The following STRN variants were observed in gnomAD, a reference collection of about 807,000 sequenced individuals.
STRN encodes the protein protein phosphatase 2 regulatory subunit B'''alpha.
A neutral mutation model predicts 96.3 loss-of-function variants in STRN; 53 were observed. The ratio of observed to expected loss-of-function variants is 0.55; its 90% CI spans 0.44 to 0.69. STRN has a LOEUF of 0.69. STRN is among the 30% of genes least tolerant of loss of function. The pLI is 0.00. For missense variants in STRN, 987 were observed against 963.9 expected, an observed-to-expected ratio of 1.02 and a Z score of -0.32; for synonymous variants, 428 against 355.9, an observed-to-expected ratio of 1.20 and a Z score of -2.28.
intron 1 of STRN, among the ~76,000 whole-genome samples, chr2:36,939,117 C>CTGGAATTACAGGCACG (rs1191117044): frequency 6.6e-6 from 1 of 152,022 alleles, no homozygotes; most frequent in Non-Finnish European, 1.5e-5. Flanking sequence ...TCCCGAGTAG[C>CTGGAATTACAGGCACG]TGGAATTACA....
chr2:36,934,782 A>T (rs1670660244), intron 1 of STRN, among the ~76,000 whole-genome samples: 1 of 152,128 alleles, frequency 6.6e-6, no homozygotes, highest in South Asian at 2.1e-4. Context: ...GTTCCAATCA[A>T]AGTAGTCAAT....
chr2:36,951,781 G>A (rs1357658188), intron 1 of STRN, among the ~76,000 whole-genome samples: 1 of 152,212 alleles, frequency 6.6e-6, no homozygotes, highest in Non-Finnish European at 1.5e-5. Context: ...CCAAGTATGA[G>A]ATAGGACGGG....
intron 10 of STRN, among the ~76,000 whole-genome samples, chr2:36,871,567 G>A (rs1402420682): frequency 6.6e-6 from 1 of 152,114 alleles, no homozygotes; most frequent in African/African-American, 2.4e-5. Flanking sequence ...ATGTATGACT[G>A]TACTGGTTAA....
At chr2:36,928,153 C>T (rs540217810) in intron 1 of STRN, among the ~76,000 whole-genome samples, 1 of 152,182 alleles carries the variant, frequency 6.6e-6, no homozygotes, top group East Asian at 1.9e-4. Flanking sequence ...CGAATTCCTT[C>T]TGTAAAACGA....
rs560639424 is a variant in STRN, at chr2:36,899,704, C to T, written c.660-46G>A. 25 of 1,503,714 alleles carry T rather than the reference C, an allele frequency of 1.7e-5. No individual in the cohort carries two copies. The African/African-American group carries it at 2.1e-4, about 13-fold the overall frequency. 93.1% of individuals were successfully genotyped at this position (1,503,714 alleles called of 1,614,324 possible). A position where few individuals can be genotyped will look rare whatever the true frequency, so the allele number is the denominator to read the frequency against. ...CCTGCTTAGTTAATCTTTTTAACTT[C>T]GACATAAGAAGTAACCCATGATATG... On this transcript the variant is annotated intron_variant, in intron 5 of 17. Transcript: ENST00000263918.
chr2:36,882,278 A>T (rs879893229), intron 9 of STRN, among the ~76,000 whole-genome samples: 8 of 152,228 alleles, frequency 5.3e-5, no homozygotes, highest in Admixed American at 4.6e-4. Flanking sequence ...GACAATGCAA[A>T]TATAGTATTT....
chr2:36,953,895 C>T (rs1036832869), intron 1 of STRN, among the ~76,000 whole-genome samples: 11 of 152,134 alleles, frequency 7.2e-5, no homozygotes, highest in Admixed American at 4.6e-4. Flanking sequence ...ACTCTGGAGG[C>T]TGATGCAGGA....
intron 3 of STRN, among the ~76,000 whole-genome samples, chr2:36,906,896 C>A (rs568110613): frequency 8.3e-4 from 125 of 151,118 alleles, no homozygotes; most frequent in Non-Finnish European, 1.6e-3. Context: ...TGCACTCCAG[C>A]GTGGGCGACA....
At chr2:36,952,296 C>A (rs1208633328) in intron 1 of STRN, among the ~76,000 whole-genome samples, 2 of 152,114 alleles carry the variant, frequency 1.3e-5, no homozygotes, top group African/African-American at 2.4e-5. Flanking sequence ...CTTTGTAATA[C>A]AAGCTGTTAG....
intron 6 of STRN, among the ~76,000 whole-genome samples, chr2:36,896,923 T>C (rs1234319909): frequency 6.6e-6 from 1 of 152,138 alleles, no homozygotes; most frequent in Non-Finnish European, 1.5e-5. Flanking sequence ...ATCCCTGCAC[T>C]TTGGGAGGCC....
At position 36,921,084 on chromosome 2, in the gene STRN, A is replaced by C. The variant is rs551199512; in HGVS notation, c.338+4021T>G. On this transcript the variant is annotated intron_variant, in intron 2 of 17. Transcript: ENST00000263918. ...GCAAGGCTCTGTCTCAAAGAAAAAA[A>C]AATAATAATAATATAAGCAACTCCA... is the stretch of plus-strand genomic sequence containing the variant. Among the ~76,000 whole-genome samples the C allele has an allele frequency of 5.3e-5, 8 of 152,024 alleles. No homozygotes were observed. The East Asian group carries it at 1.5e-3, about 29-fold the overall frequency.
At chr2:36,950,422 G>T (rs755796293) in intron 1 of STRN, among the ~76,000 whole-genome samples, 2 of 152,072 alleles carry the variant, frequency 1.3e-5, no homozygotes, top group Non-Finnish European at 2.9e-5. Flanking sequence ...CACCATGTTG[G>T]CCAGGCTGGT....
intron 2 of STRN, among the ~76,000 whole-genome samples, chr2:36,917,538 GAAAAAAA>G (rs576754026): frequency 6.8e-5 from 6 of 88,670 alleles, no homozygotes; most frequent in Admixed American, 1.3e-4. Flanking sequence ...ACAAAAAAAA[GAAAAAAA>G]AAAAAAAAGA....
At chr2:36,907,868 G>C (rs573980713) in intron 3 of STRN, among the ~76,000 whole-genome samples, 1 of 151,964 alleles carries the variant, frequency 6.6e-6, no homozygotes, top group Admixed American at 6.6e-5. Flanking sequence ...AAAATAACTA[G>C]GCTTAGTTCT....
chr2:36,882,123 A>C (rs188487806), intron 9 of STRN, among the ~76,000 whole-genome samples: 1 of 152,204 alleles, frequency 6.6e-6, no homozygotes, highest in African/African-American at 2.4e-5. Context: ...GAAGTATTCC[A>C]ATCGTGAAAA....
chr2:36,911,031 A>G (rs1342478996), intron 3 of STRN, among the ~76,000 whole-genome samples: 1 of 152,164 alleles, frequency 6.6e-6, no homozygotes, highest in Non-Finnish European at 1.5e-5. Context: ...AGATAAAAGA[A>G]CAAAGAATGC....
chr2:36,838,968 A>C lies in STRN; in HGVS notation c.*10488T>G, dbSNP rs1457851800. Among the ~76,000 whole-genome samples the C allele has an allele frequency of 6.6e-6, 1 of 152,184 alleles. No individual in the cohort carries two copies. The highest frequency in any genetic ancestry group is 2.4e-5 in the African/African-American group (1 of 41,424). On this transcript the variant is annotated 3_prime_UTR_variant, in exon 18 of 18. Transcript: ENST00000263918. ...TACTGATAAATTTGAGAGACCTTTA[A>C]AAATTTGTAAGGTGCTCATGATACA...
At position 36,843,623 on chromosome 2, in the gene STRN, A is replaced by C. The variant is rs886428979; in HGVS notation, c.*5833T>G. On this transcript the variant is annotated 3_prime_UTR_variant, in exon 18 of 18. Coordinates refer to ENST00000263918, the MANE Select transcript of STRN (RefSeq NM_003162.4). ...AATCAGTAATTAAGACTGGTTCATT[A>C]ATTTTGGACTCATGTATACTTTGTC... 6.6e-6 allele frequency: 1 copy of C among 152,012 alleles called. No individual in the cohort carries two copies. The highest frequency in any genetic ancestry group is 1.5e-5 in the Non-Finnish European group (1 of 67,986). 9.4% of individuals were successfully genotyped at this position (152,012 alleles called of 1,614,324 possible). A position where few individuals can be genotyped will look rare whatever the true frequency, so the allele number is the denominator to read the frequency against.
intron 6 of STRN, among the ~76,000 whole-genome samples, chr2:36,898,772 C>G (rs964160175): frequency 2.5e-4 from 38 of 152,110 alleles, no homozygotes; most frequent in Admixed American, 4.6e-4. Flanking sequence ...CCTCTCTATT[C>G]ATAAATTAAT....
Sources: gnomAD v4.1 joint callset for allele counts (sites outside exome capture counted in the v4.1 genomes callset) on GRCh38, gnomAD v4.1.1 for gene constraint, MANE v1.5 for transcripts, NCBI Gene and HGNC (gene_info 2026-07-23, HGNC 2026-07-21) for gene names.